CHD1L: variants seen among roughly 807,000 people sequenced by gnomAD.
CHD1L encodes the protein chromodomain helicase DNA binding protein 1 like.
A neutral mutation model predicts 115.9 loss-of-function variants in CHD1L; 118 were observed. The observed-to-expected ratio is 1.02, with a 90% CI of 0.88 to 1.19. The LOEUF (loss-of-function observed/expected upper bound fraction) is 1.19, where lower values mean the gene tolerates loss of function less well. Ranked by LOEUF, CHD1L falls within the 50% of genes most tolerant of loss-of-function variation. The pLI, the probability that CHD1L is intolerant of heterozygous loss-of-function variation, is 0.00. For missense variants in CHD1L, 1,179 were observed against 1,065.3 expected, an observed-to-expected ratio of 1.11 and a Z score of -1.49; for synonymous variants, 411 against 387.1, an observed-to-expected ratio of 1.06 and a Z score of -0.72.
the CHD1L span, among the ~76,000 whole-genome samples, chr1:147,222,097 C>T: frequency 0.093 from 14,090 of 152,192 alleles, 738 homozygotes; most frequent in African/African-American, 0.15. Context: ...AGGCTAGGCA[C>T]GGTGGCTCAT....
At chr1:147,177,849 T>C in the CHD1L span, among the ~76,000 whole-genome samples, 7 of 152,044 alleles carry the variant, frequency 4.6e-5, no homozygotes, top group South Asian at 1.5e-3. Flanking sequence ...GAACATTAGG[T>C]TAAACTAAAT....
At chr1:147,272,396 G>T (rs587684224) in intron 12 of CHD1L, 115 bp downstream of exon 12, 4 of 733,540 alleles carry the variant, frequency 5.5e-6, no homozygotes, top group Non-Finnish European at 9.3e-6. Context: ...GGTTACTATT[G>T]AATGTAAAAC....
At position 147,276,263 on chromosome 1, in the gene CHD1L, A is replaced by G. The variant is rs371697974; in HGVS notation, c.1539+6A>G. 262 of 1,614,018 alleles carry G rather than the reference A, an allele frequency of 1.6e-4. 3 individuals carry two copies. The South Asian group carries it at 2.6e-3, about 16-fold the overall frequency. Reference sequence around the variant, plus strand: ...CTGCCGATGCTGACCTCCAGGTATGATATGATATACTGTTCTTCACTTTGG... The same window carrying G: ...CTGCCGATGCTGACCTCCAGGTATGGTATGATATACTGTTCTTCACTTTGG... On this transcript the variant is annotated splice_donor_region_variant and intron_variant, in intron 14 of 22. Transcript: ENST00000369258.
chr1:147,292,091 C>G (rs1300236440), intron 20 of CHD1L, among the ~76,000 whole-genome samples: 1 of 152,132 alleles, frequency 6.6e-6, no homozygotes, highest in Non-Finnish European at 1.5e-5. Context: ...CCCGGAGCAC[C>G]GTCCAGATAG....
the CHD1L span, chr1:147,204,166 T>G: frequency 8.0e-7 from 1 of 1,247,094 alleles, no homozygotes; most frequent in Admixed American, 1.7e-5. Context: ...TTATCAACAC[T>G]GTTCCCTTAG....
the CHD1L span, among the ~76,000 whole-genome samples, chr1:147,212,962 A>C: frequency 3.3e-5 from 5 of 152,028 alleles, no homozygotes; most frequent in African/African-American, 1.2e-4. Flanking sequence ...TCAAGCTTTC[A>C]TTCCTTCCTT....
Position 147,295,493 on chromosome 1 carries a change from G to A in CHD1L, c.2678G>A (p.Arg893Lys). The A allele has an allele frequency of 6.2e-7, 1 of 1,610,172 alleles. No individual in the cohort carries two copies. Among genetic ancestry groups the A allele is most frequent in the Non-Finnish European group, 8.5e-7 (1 of 1,177,920 alleles). ...TCACAGTCTTCATCTTCCTCCTCAA[G>A]ACAGCTGGTGCCTTAAGAATTGGCC... ...LHSQSSSSSSRQLVP is the reference protein window; with the variant it reads ...LHSQSSSSSSKQLVP The change falls in exon 23 of 23, where the codon AGA becomes AAA. Residue 893 changes from arginine to lysine, a missense_variant. By Grantham distance (26) the Arg-to-Lys change is conservative. Transcript: ENST00000369258.
intron 5 of CHD1L, among the ~76,000 whole-genome samples, chr1:147,256,949 A>G (rs1315894170): frequency 2.0e-5 from 3 of 152,254 alleles, no homozygotes; most frequent in Admixed American, 1.3e-4. Context: ...GTAATACAGA[A>G]GGAGAACCAT....
chr1:147,188,890 A>G, the CHD1L span, among the ~76,000 whole-genome samples: 1 of 152,172 alleles, frequency 6.6e-6, no homozygotes, highest in Non-Finnish European at 1.5e-5. Flanking sequence ...GAGCCAGAAA[A>G]GAAAGCACTG....
In CHD1L at chr1:147,286,395, G is replaced by A. The variant is rs587746905; in HGVS notation, c.2116G>A (p.Glu706Lys). The change falls in exon 18 of 23, where the codon GAG becomes AAG. Residue 706 changes from glutamate to lysine, a missense_variant. By Grantham distance (56) the Glu-to-Lys change is moderately conservative. Coordinates refer to ENST00000369258, the MANE Select transcript of CHD1L (RefSeq NM_004284.6). ...DLENGEESSAELDYQDPDATS... is the reference protein window; with the variant it reads ...DLENGEESSAKLDYQDPDATS... ...TGAGAATGGGGAAGAGAGCTCTGCT[G>A]AGCTGGATTACCAAGACCCAGATGC... The A allele has an allele frequency of 1.2e-6, 2 of 1,614,154 alleles. No individual in the cohort carries two copies. Among genetic ancestry groups the A allele is most frequent in the South Asian group, 2.2e-5 (2 of 91,086 alleles).
chr1:147,267,478 C>T lies in CHD1L; in HGVS notation c.948C>T (p.Ser316=). 6.2e-7 allele frequency: 1 copy of T among 1,612,058 alleles called. No individual in the cohort carries two copies. Among genetic ancestry groups the T allele is most frequent in the Non-Finnish European group, 8.5e-7 (1 of 1,178,972 alleles). The change falls in exon 9 of 23, where the codon TCC becomes TCT. Residue 316 remains serine, a synonymous_variant. Coordinates refer to ENST00000369258, the MANE Select transcript of CHD1L (RefSeq NM_004284.6). ...AAGTTAAACTACAGAACATTTTGTC[C>T]CAGCTTCGAAAGTGTGTGGATCACC... The part of the protein sequence containing the change: ...AKKVKLQNIL[S]QLRKCVDHPY...
At chr1:147,177,914 C>T in the CHD1L span, among the ~76,000 whole-genome samples, 1 of 152,006 alleles carries the variant, frequency 6.6e-6, no homozygotes, top group Non-Finnish European at 1.5e-5. Context: ...TGAATGACAA[C>T]AAAAGACTGA....
intron 3 of CHD1L, 134 bp from the exon 4 acceptor site, chr1:147,255,679 C>T (rs1005862658): frequency 5.4e-6 from 3 of 552,680 alleles, no homozygotes; most frequent in Non-Finnish European, 9.4e-6. Flanking sequence ...GATTCAGAGC[C>T]CCAAGACTCT....
intron 8 of CHD1L, among the ~76,000 whole-genome samples, chr1:147,266,779 AAAAC>A (rs1192463429): frequency 1.3e-5 from 2 of 152,266 alleles, no homozygotes; most frequent in Admixed American, 6.5e-5. Context: ...AAAAAAATGA[AAAAC>A]AATTATATGC....
the CHD1L span, among the ~76,000 whole-genome samples, chr1:147,213,812 C>T: frequency 6.6e-6 from 1 of 152,124 alleles, no homozygotes; most frequent in African/African-American, 2.4e-5. Flanking sequence ...GCACTAAATG[C>T]CTATTCTTCT....
At chr1:147,227,708 A>T in the CHD1L span, among the ~76,000 whole-genome samples, 1 of 152,332 alleles carries the variant, frequency 6.6e-6, no homozygotes, top group African/African-American at 2.4e-5. Flanking sequence ...TAATTCCAAG[A>T]TAACATATGA....
At chr1:147,280,824 T>C (rs1194937441) in intron 15 of CHD1L, among the ~76,000 whole-genome samples, 1 of 152,226 alleles carries the variant, frequency 6.6e-6, no homozygotes, top group South Asian at 2.1e-4. Context: ...TGGCATCTTG[T>C]AGTTATTTTG....
rs183556179 is a variant in CHD1L, at chr1:147,284,246, A to C, written c.1706-105A>C. 2.9e-4 allele frequency: 251 copies of C among 878,236 alleles called. 1 individual carries two copies. In the African/African-American group the frequency reaches 3.8e-3, roughly 13 times the overall value. The allele number at this position is 878,236 out of a possible 1,614,324, so 54.4% of individuals were successfully genotyped here. Reference sequence around the variant, plus strand: ...TCCTTCATATGGACTTAGCCCATTTAGAATATAGGCTGTTCTCCTGTCCAC... The same window carrying C: ...TCCTTCATATGGACTTAGCCCATTTCGAATATAGGCTGTTCTCCTGTCCAC... On this transcript the variant is annotated intron_variant, in intron 15 of 22. Coordinates refer to ENST00000369258, the MANE Select transcript of CHD1L (RefSeq NM_004284.6).
At chr1:147,196,441 G>A in the CHD1L span, among the ~76,000 whole-genome samples, 2 of 151,876 alleles carry the variant, frequency 1.3e-5, no homozygotes, top group African/African-American at 4.8e-5. Context: ...AAACATGAAG[G>A]AGGAGGTATA....
Sources: gnomAD v4.1 joint callset for allele counts (sites outside exome capture counted in the v4.1 genomes callset) on GRCh38, gnomAD v4.1.1 for gene constraint, MANE v1.5 for transcripts, NCBI Gene and HGNC (gene_info 2026-07-23, HGNC 2026-07-21) for gene names.